The following SPRYD3 variants were observed in gnomAD, a reference collection of about 807,000 sequenced individuals.
SPRYD3 encodes the protein SPRY domain containing 3, also known as SPRY domain-containing protein 3.
A neutral mutation model predicts 50.1 loss-of-function variants in SPRYD3; 17 were observed. The ratio of observed to expected loss-of-function variants is 0.34; its 90% confidence interval spans 0.23 to 0.51. SPRYD3 has a LOEUF of 0.51. SPRYD3 is among the 20% of genes least tolerant of loss of function. The pLI is 0.97. For synonymous variants in SPRYD3, 198 were observed against 215.5 expected (o/e 0.92, Z 0.71); for missense variants, 401 against 591.2 (o/e 0.68, Z 3.34).
At chr12:53,078,001 G>A (rs575947708) in intron 1 of SPRYD3, 7 of 382,354 alleles carry the variant, frequency 1.8e-5, no homozygotes, top group Admixed American at 8.1e-5. Flanking sequence ...CCTGGGCAAC[G>A]TAGTGAGACC....
rs1161231829 is a variant in SPRYD3 at position 53,066,578 on chromosome 12, C to T, written c.1016G>A (p.Ser339Asn). 6.2e-7 allele frequency: 1 copy of T among 1,614,048 alleles called. No homozygotes were observed. Among genetic ancestry groups the T allele is most frequent in the Non-Finnish European group, 8.5e-7 (1 of 1,179,934 alleles). The part of the protein sequence containing the change: ...IMFPRDYILD[S>N]EGDSDDSCDT... The stretch of plus-strand genomic sequence containing the variant: ...GCCACCCCTACCCCACTCACCCTCA[C>T]TGTCCAAAATGTAGTCCCGGGGGAA... Residue 339 changes from serine (S) to asparagine (N), a missense_variant, in exon 9 of 11, where the codon AGT becomes AAT. Ser to Asn is a conservative substitution (Grantham distance 46, BLOSUM62 1). Transcript: ENST00000301463.
Position 53,066,447 on chromosome 12 carries a change from G to A in SPRYD3, c.1061C>T (p.Pro354Leu), listed in dbSNP as rs545470671. 7.4e-6 allele frequency: 12 copies of A among 1,614,030 alleles called. No individual in the cohort carries two copies. Among genetic ancestry groups the A allele is most frequent in the African/African-American group, 4.0e-5 (3 of 74,990 alleles). The change falls in exon 10 of 11, where the codon CCG (proline) becomes CTG (leucine). Residue 354 changes from proline to leucine, a missense_variant. By Grantham distance (98) the Pro-to-Leu change is moderately conservative. Transcript: ENST00000301463. ...DDSCDTVILS[P>L]TARAVRNVRN... The stretch of plus-strand genomic sequence containing the variant: ...CACGTTCCGGACGGCCCGGGCAGTC[G>A]GAGACAGGATCACTGTGTCACAACT...
intron 6 of SPRYD3, among the ~76,000 whole-genome samples, chr12:53,070,009 G>A (rs1284834345): frequency 6.6e-6 from 1 of 152,210 alleles, no homozygotes; most frequent in Non-Finnish European, 1.5e-5. Context: ...CTTTGCCTCA[G>A]CTCAGAAGAG....
chr12:53,079,302 C>A lies in SPRYD3; in HGVS notation c.23+9G>T. 6.2e-7 allele frequency: 1 copy of A among 1,607,144 alleles called. No homozygotes were observed. Among genetic ancestry groups the A allele is most frequent in the East Asian group, 2.2e-5 (1 of 44,476 alleles). On this transcript the variant is annotated intron_variant, in intron 1 of 10. Coordinates refer to ENST00000301463, the MANE Select transcript of SPRYD3 (RefSeq NM_032840.3). ...GGCCTCCGGGACCCCGCCCCCGATC[C>A]CCGCCTACCGGGGCCGCCGCGTCCT... is the stretch of plus-strand genomic sequence containing the variant.
At chr12:53,067,848 G>C in intron 7 of SPRYD3, 143 bp from the exon 8 acceptor site, 1 of 805,714 alleles carries the variant, frequency 1.2e-6, no homozygotes, top group Non-Finnish European at 2.1e-6. Context: ...AGGCACTGGG[G>C]CTTCAGGGGA....
intron 2 of SPRYD3, 148 bp from the exon 3 acceptor site, chr12:53,075,959 C>A: frequency 3.0e-6 from 2 of 676,902 alleles, no homozygotes; most frequent in Non-Finnish European, 5.3e-6. Context: ...GACATCAGAA[C>A]CAGATACTTA....
chr12:53,065,603 C>T lies in SPRYD3; in HGVS notation c.*229G>A, dbSNP rs1367183621. On this transcript the variant is annotated 3_prime_UTR_variant, in exon 11 of 11. Coordinates refer to ENST00000301463, the MANE Select transcript of SPRYD3 (RefSeq NM_032840.3). ...CACATACCAACACCATTCTTTGGGT[C>T]CATTCCTGTCCAACCAGGGACTCAG... The T allele has an allele frequency of 1.9e-6, 1 of 518,508 alleles. No individual in the cohort carries two copies. Among genetic ancestry groups the T allele is most frequent in the African/African-American group, 1.9e-5 (1 of 52,796 alleles). 32.1% of individuals were successfully genotyped at this position (518,508 alleles called of 1,614,324 possible). A position where few individuals can be genotyped will look rare whatever the true frequency, so the allele number is the denominator to read the frequency against.
rs1420689016 is a variant in SPRYD3 at position 53,074,193 on chromosome 12, C to T, written c.507+456G>A. 1.3e-5 allele frequency among the ~76,000 whole-genome samples: 2 copies of T among 152,146 alleles called. No individual in the cohort carries two copies. Among genetic ancestry groups the T allele is most frequent in the Admixed American group, 6.5e-5 (1 of 15,278 alleles). On this transcript the variant is annotated intron_variant, in intron 5 of 10. Coordinates refer to ENST00000301463, the MANE Select transcript of SPRYD3 (RefSeq NM_032840.3). This position sits in a 1 kb window ranked among gnomAD's most constrained non-coding sequence, Gnocchi z 4.6. Reference sequence around the variant, plus strand: ...TGGCTCCTGTCCCATCTCCTCACCACGCCTAGTCTCTCTACGAACAGGATA... The same window carrying T: ...TGGCTCCTGTCCCATCTCCTCACCATGCCTAGTCTCTCTACGAACAGGATA...
chr12:53,068,445 T>C, intron 6 of SPRYD3, 141 bp from the exon 7 acceptor site: 1 of 1,045,608 alleles, frequency 9.6e-7, no homozygotes, highest in Non-Finnish European at 1.4e-6. Context: ...AGAGATACAA[T>C]GTGGCCCCAA....
chr12:53,077,015 G>T, intron 2 of SPRYD3, 100 bp downstream of exon 2: 10 of 1,197,912 alleles, frequency 8.3e-6, no homozygotes, highest in South Asian at 6.9e-5. Flanking sequence ...GCAGTGCACA[G>T]TCCCCTTCTC....
intron 2 of SPRYD3, among the ~76,000 whole-genome samples, 183 bp from the exon 3 acceptor site, chr12:53,075,994 G>A (rs1386763407): frequency 6.6e-6 from 1 of 152,166 alleles, no homozygotes; most frequent in Non-Finnish European, 1.5e-5. Flanking sequence ...TACTCCTCTC[G>A]CAGCCTCCAG....
intron 5 of SPRYD3, among the ~76,000 whole-genome samples, chr12:53,073,701 G>A (rs531540769): frequency 5.5e-4 from 83 of 152,062 alleles, no homozygotes; most frequent in Non-Finnish European, 1.0e-3. Flanking sequence ...AAAATTAGCC[G>A]GGCGTGGTGG....
chr12:53,077,790 G>A (rs1484348486), intron 1 of SPRYD3, among the ~76,000 whole-genome samples: 2 of 152,218 alleles, frequency 1.3e-5, no homozygotes, highest in Non-Finnish European at 2.9e-5. Context: ...TGTACAAGAT[G>A]AGAATAAGGC....
intron 6 of SPRYD3, among the ~76,000 whole-genome samples, chr12:53,070,500 G>C (rs1219803818): frequency 6.6e-6 from 1 of 152,166 alleles, no homozygotes; most frequent in Non-Finnish European, 1.5e-5. Flanking sequence ...CTGTACCTCA[G>C]AATCCAACAG....
At position 53,079,384 on chromosome 12, in the gene SPRYD3, C is replaced by T. The variant is rs754828805; in HGVS notation, c.-51G>A. On this transcript the variant is annotated 5_prime_UTR_variant, in exon 1 of 11. The change creates a new upstream start codon in the 5' untranslated region. Coordinates refer to ENST00000301463, the MANE Select transcript of SPRYD3 (RefSeq NM_032840.3). ...AAGCTCTTCGGCCGCCGCCACCACA[C>T]ACATCCGGGTCCCCGCCTTTCCTTC... 13 of 1,585,160 alleles carry T rather than the reference C, an allele frequency of 8.2e-6. No homozygotes were observed. Among genetic ancestry groups the T allele is most frequent in the South Asian group, 1.1e-5 (1 of 87,846 alleles).
chr12:53,069,435 C>G (rs569670780), intron 6 of SPRYD3, among the ~76,000 whole-genome samples: 2 of 152,170 alleles, frequency 1.3e-5, no homozygotes, highest in South Asian at 2.1e-4. Flanking sequence ...GAAGCCTGTG[C>G]GTGTCTCCAG....
rs1944510351 is a variant in SPRYD3, at chr12:53,066,574, C to T, written c.1020G>A (p.Glu340=). 1 of 1,613,968 alleles carries T rather than the reference C, an allele frequency of 6.2e-7. No homozygotes were observed. Among genetic ancestry groups the T allele is most frequent in the Non-Finnish European group, 8.5e-7 (1 of 1,179,920 alleles). ...MFPRDYILDS[E]GDSDDSCDTV... is the part of the protein sequence containing the mutation. Reference sequence around the variant, plus strand: ...GCTGGCCACCCCTACCCCACTCACCCTCACTGTCCAAAATGTAGTCCCGGG... The same window carrying T: ...GCTGGCCACCCCTACCCCACTCACCTTCACTGTCCAAAATGTAGTCCCGGG... Residue 340 remains glutamate, a splice_region_variant and synonymous_variant, in exon 9 of 11, where the codon GAG becomes GAA. Transcript: ENST00000301463.
intron 6 of SPRYD3, among the ~76,000 whole-genome samples, chr12:53,071,977 A>G (rs373087186): frequency 1.3e-5 from 2 of 152,162 alleles, no homozygotes; most frequent in African/African-American, 4.8e-5. Flanking sequence ...AAGGAAGGCT[A>G]TTTATAAATG....
intron 5 of SPRYD3, 64 bp from the exon 6 acceptor site, chr12:53,073,535 A>C: frequency 2.1e-3 from 2,764 of 1,318,834 alleles, no homozygotes; most frequent in Non-Finnish European, 2.6e-3. Context: ...CCTAATTCTC[A>C]CAAGGGTACT....
Sources: gnomAD v4.1 joint callset for allele counts (sites outside exome capture counted in the v4.1 genomes callset) on GRCh38, gnomAD v4.1.1 for gene constraint, Gnocchi (gnomAD v3.1) non-coding constraint, MANE v1.5 for transcripts, NCBI Gene and HGNC (gene_info 2026-07-23, HGNC 2026-07-21) for gene names.